SLIT2: variants seen among roughly 807,000 people sequenced by gnomAD.
The protein encoded by SLIT2 is slit guidance ligand 2.
SLIT2 carries 41 observed loss-of-function variants against 185.7 expected under a neutral mutation model. The ratio of observed to expected loss-of-function variants is 0.22; its 90% confidence interval spans 0.17 to 0.29. The LOEUF (loss-of-function observed/expected upper bound fraction) is 0.29, where lower values mean the gene tolerates loss of function less well. SLIT2 is among the 10% of genes least tolerant of loss of function. The pLI is 1.00. For missense variants in SLIT2, 1,571 were observed against 1,909.0 expected, an observed-to-expected ratio of 0.82 and a Z score of 3.30; for synonymous variants, 693 against 680.2, an observed-to-expected ratio of 1.02 and a Z score of -0.29.
At chr4:20,356,867 C>T (rs1722369440) in intron 4 of SLIT2, among the ~76,000 whole-genome samples, 1 of 152,118 alleles carries the variant, frequency 6.6e-6, no homozygotes, top group Non-Finnish European at 1.5e-5. Context: ...ACTCCAGCCA[C>T]TGGTGTTTCT....
At chr4:20,274,035 T>C (rs1015380534) in intron 4 of SLIT2, among the ~76,000 whole-genome samples, 2 of 152,196 alleles carry the variant, frequency 1.3e-5, no homozygotes, top group African/African-American at 2.4e-5. Flanking sequence ...CTGATTTCTG[T>C]TGCTGAGACT....
Position 20,410,243 on chromosome 4 carries a change from C to CTTTTTTTTTT in SLIT2, c.396-57495_396-57486dup, listed in dbSNP as rs1160985126. ...TGGTTTTTTTTCTTTTCTTTCTTTT[C>CTTTTTTTTTT]TTTTTTTTTTTTTTTTTTTTTTTGA... On this transcript the variant is annotated intron_variant, in intron 4 of 36. Transcript: ENST00000504154. Among the ~76,000 whole-genome samples the CTTTTTTTTTT allele has an allele frequency of 5.4e-3, 372 of 69,092 alleles. 5 individuals carry two copies. Among genetic ancestry groups the CTTTTTTTTTT allele is most frequent in the Non-Finnish European group, 6.9e-3 (252 of 36,768 alleles). 45.3% of individuals were successfully genotyped at this position (69,092 alleles called of 152,430 possible). A position where few individuals can be genotyped will look rare whatever the true frequency, so the allele number is the denominator to read the frequency against.
At chr4:20,358,745 A>G (rs1722525843) in intron 4 of SLIT2, among the ~76,000 whole-genome samples, 1 of 152,142 alleles carries the variant, frequency 6.6e-6, no homozygotes, top group Non-Finnish European at 1.5e-5. Flanking sequence ...TTCCCATTGG[A>G]CATTTAACTT....
chr4:20,532,085 T>TA lies in SLIT2; in HGVS notation c.1688+28dup, dbSNP rs1553827257. ...TAAGTCACTTGTTAGCTATTTTTTT[T>TA]ATTTCTGTAGCATTTTTTGGGTGTT... On this transcript the variant is annotated intron_variant, in intron 17 of 36. Coordinates refer to ENST00000504154, the MANE Select transcript of SLIT2 (RefSeq NM_004787.4). 8 of 1,368,148 alleles carry TA rather than the reference T, an allele frequency of 5.8e-6. No individual in the cohort carries two copies. The Admixed American group carries it at 7.3e-5, about 12-fold the overall frequency. The allele number at this position is 1,368,148 out of a possible 1,614,324, so 84.8% of individuals were successfully genotyped here. A position where few individuals can be genotyped will look rare whatever the true frequency, so the allele number is the denominator to read the frequency against.
At chr4:20,412,306 G>A (rs1371050365) in intron 4 of SLIT2, among the ~76,000 whole-genome samples, 1 of 151,914 alleles carries the variant, frequency 6.6e-6, no homozygotes, top group East Asian at 1.9e-4. Flanking sequence ...TAGGTTTGAT[G>A]TATAGCTGAA....
intron 4 of SLIT2, among the ~76,000 whole-genome samples, chr4:20,423,171 C>T (rs114557500): frequency 0.023 from 3,561 of 151,998 alleles, 147 homozygotes; most frequent in African/African-American, 0.08. Context: ...AGTAAATCCA[C>T]GTACAGACAT....
At chr4:20,605,822 C>G (rs1280749187) in intron 33 of SLIT2, among the ~76,000 whole-genome samples, 1 of 151,440 alleles carries the variant, frequency 6.6e-6, no homozygotes, top group Non-Finnish European at 1.5e-5. Context: ...TCTCGGCTCA[C>G]TGCAACCTCT....
chr4:20,269,845 C>T (rs986554388), intron 4 of SLIT2, among the ~76,000 whole-genome samples: 10 of 151,654 alleles, frequency 6.6e-5, no homozygotes, highest in Non-Finnish European at 1.5e-4. Flanking sequence ...GAGGACTGTC[C>T]TCTCACACCC....
At chr4:20,492,476 G>A (rs192195386) in intron 9 of SLIT2, among the ~76,000 whole-genome samples, 3 of 152,282 alleles carry the variant, frequency 2.0e-5, no homozygotes, top group African/African-American at 7.2e-5. Context: ...TATTGCACAC[G>A]TATTTTGTAT....
intron 4 of SLIT2, among the ~76,000 whole-genome samples, chr4:20,278,746 T>C (rs1714425248): frequency 6.6e-6 from 1 of 150,516 alleles, no homozygotes; most frequent in Non-Finnish European, 1.5e-5. Flanking sequence ...AGCCAGGGTA[T>C]TCTAAATGGT....
intron 26 of SLIT2, among the ~76,000 whole-genome samples, chr4:20,557,452 C>T (rs1038380358): frequency 6.6e-6 from 1 of 151,956 alleles, no homozygotes; most frequent in Non-Finnish European, 1.5e-5. Flanking sequence ...AACAACAGAG[C>T]CTAGATGAGA....
chr4:20,385,456 C>T (rs1560375944), intron 4 of SLIT2, among the ~76,000 whole-genome samples: 2 of 152,028 alleles, frequency 1.3e-5, no homozygotes, highest in African/African-American at 2.4e-5. Flanking sequence ...CAGTGATGTC[C>T]TCAAAAGTTG....
chr4:20,569,212 G>C, intron 29 of SLIT2: 1 of 546,318 alleles, frequency 1.8e-6, no homozygotes, highest in Non-Finnish European at 3.3e-6. Flanking sequence ...TCAAACATAC[G>C]CATCTATTAT....
intron 4 of SLIT2, among the ~76,000 whole-genome samples, chr4:20,289,768 C>T (rs968359756): frequency 2.0e-5 from 3 of 152,178 alleles, no homozygotes; most frequent in Non-Finnish European, 4.4e-5. Context: ...TCAGTGTTTT[C>T]TGAAGAAAGG....
intron 5 of SLIT2, among the ~76,000 whole-genome samples, chr4:20,471,519 T>A (rs1715014992): frequency 6.6e-6 from 1 of 152,150 alleles, no homozygotes; most frequent in South Asian, 2.1e-4. Flanking sequence ...CCATTGTGGC[T>A]ACTGTTCAGT....
chr4:20,472,258 CTATATATAGA>C (rs1715166803), intron 5 of SLIT2, among the ~76,000 whole-genome samples: 10 of 31,246 alleles, frequency 3.2e-4, no homozygotes, highest in African/African-American at 6.2e-4. Flanking sequence ...ATATATAGAT[CTATATATAGA>C]TATATATCTA....
At chr4:20,577,801 T>G (rs1356361217) in intron 29 of SLIT2, among the ~76,000 whole-genome samples, 1 of 152,226 alleles carries the variant, frequency 6.6e-6, no homozygotes, top group Non-Finnish European at 1.5e-5. Flanking sequence ...AAATGTATAC[T>G]TTTTAAAATC....
intron 30 of SLIT2, among the ~76,000 whole-genome samples, chr4:20,591,274 A>G (rs1046479064): frequency 6.6e-6 from 1 of 152,182 alleles, no homozygotes; most frequent in Non-Finnish European, 1.5e-5. Flanking sequence ...TTTGAGCTGG[A>G]TTGCTAAGAT....
At chr4:20,360,766 G>A (rs1171865398) in intron 4 of SLIT2, among the ~76,000 whole-genome samples, 1 of 152,104 alleles carries the variant, frequency 6.6e-6, no homozygotes, top group African/African-American at 2.4e-5. Context: ...TCTTTCAGAA[G>A]CAATAACAGT....
Sources: allele counts gnomAD v4.1 joint callset (sites outside exome capture counted in the v4.1 genomes callset), GRCh38; gene constraint gnomAD v4.1.1; transcripts MANE v1.5; gene names NCBI Gene and HGNC (gene_info 2026-07-23, HGNC 2026-07-21).